CDON: variants seen among roughly 807,000 people sequenced by gnomAD.
CDON encodes cell adhesion molecule-related/down-regulated by oncogenes.
A neutral mutation model predicts 120.9 loss-of-function variants in CDON; 73 were observed. The observed-to-expected ratio is 0.60, with a 90% CI of 0.50 to 0.73. The LOEUF (loss-of-function observed/expected upper bound fraction) is 0.73. Ranked by LOEUF, CDON falls within the 30% of genes least tolerant of loss-of-function variation. CDON has a pLI of 0.00. For synonymous variants in CDON, 566 were observed against 573.5 expected (o/e 0.99, Z 0.19); for missense variants, 1,470 against 1,587.3 (o/e 0.93, Z 1.26).
At chr11:125,971,124 C>T (rs1945970894) in intron 18 of CDON, among the ~76,000 whole-genome samples, 2 of 152,168 alleles carry the variant, frequency 1.3e-5, no homozygotes, top group Admixed American at 1.3e-4. Flanking sequence ...TGGCTCACGC[C>T]TGTAATCCCA....
chr11:126,026,400 T>A (rs7935479), intron 1 of CDON, among the ~76,000 whole-genome samples: 104,406 of 152,182 alleles, frequency 0.69, 37,538 homozygotes, highest in African/African-American at 0.91. Context: ...ATCTAATGAC[T>A]GTGCTACATT....
intron 1 of CDON, among the ~76,000 whole-genome samples, chr11:126,031,791 A>T (rs188715102): frequency 2.6e-5 from 4 of 152,270 alleles, no homozygotes; most frequent in Admixed American, 2.6e-4. Flanking sequence ...CCTTAAGATG[A>T]CTTCCAGTGT....
intron 16 of CDON, 91 bp downstream of exon 16, chr11:125,983,781 A>G: frequency 1.1e-6 from 1 of 932,264 alleles, no homozygotes; most frequent in Non-Finnish European, 1.7e-6. Flanking sequence ...TGACACTAAT[A>G]TACAACAGTG....
At chr11:126,004,204 T>C (rs550773253) in intron 9 of CDON, 128 bp from the exon 10 acceptor site, 1 of 926,054 alleles carries the variant, frequency 1.1e-6, no homozygotes, top group South Asian at 1.4e-5. Flanking sequence ...TACAGCATGG[T>C]AAGTAAAAAA....
At chr11:126,015,163 A>C (rs774103673) in intron 7 of CDON, 78 bp downstream of exon 7, 51 of 1,394,480 alleles carry the variant, frequency 3.7e-5, no homozygotes, top group Non-Finnish European at 4.8e-5. Flanking sequence ...TTTAGTAAAA[A>C]TAATTTCATT....
chr11:125,973,360 G>A (rs965547142), intron 18 of CDON, among the ~76,000 whole-genome samples: 4 of 152,040 alleles, frequency 2.6e-5, no homozygotes, highest in African/African-American at 4.8e-5. Context: ...GTGAAACCCC[G>A]TCTCTACTAA....
chr11:125,997,966 T>C (rs1946836883), intron 11 of CDON, among the ~76,000 whole-genome samples: 1 of 152,044 alleles, frequency 6.6e-6, no homozygotes, highest in Non-Finnish European at 1.5e-5. Context: ...ATACTGTTAA[T>C]AAAGGGGAGA....
rs1946431118 is a variant in CDON at position 125,985,348 on chromosome 11, G to T, written c.2774-1255C>A. On this transcript the variant is annotated intron_variant, in intron 15 of 19. Coordinates refer to ENST00000531738, the MANE Select transcript of CDON (RefSeq NM_001378964.1). The stretch of plus-strand genomic sequence containing the variant: ...GCCCCCACGCACGGATAATTTTTTT[G>T]ATATTTTTAGTACAGACAGGGTCTC... 2.0e-5 allele frequency among the ~76,000 whole-genome samples: 3 copies of T among 152,124 alleles called. No homozygotes were observed. The South Asian group carries it at 6.2e-4, about 32-fold the overall frequency.
Position 125,962,004 on chromosome 11 carries a change from G to C in CDON, c.3357-6C>G, listed in dbSNP as rs1945659908. 1 of 1,611,428 alleles carries C rather than the reference G, an allele frequency of 6.2e-7. No individual in the cohort carries two copies. Among genetic ancestry groups the C allele is most frequent in the Non-Finnish European group, 8.5e-7 (1 of 1,177,552 alleles). ...TGTTGGTTTTGGTGAAACACCTGCA[G>C]AGGTTAAACCAAAAGAAACAGAATT... is the stretch of plus-strand genomic sequence containing the variant. On this transcript the variant is annotated splice_polypyrimidine_tract_variant and splice_region_variant and intron_variant, in intron 18 of 19. Coordinates refer to ENST00000531738, the MANE Select transcript of CDON (RefSeq NM_001378964.1).
intron 16 of CDON, 90 bp from the exon 17 acceptor site, chr11:125,981,419 TACGCACACACGCACACACGCACAC>T: frequency 3.8e-6 from 5 of 1,324,776 alleles, no homozygotes; most frequent in Non-Finnish European, 5.3e-6. Context: ...CACATGCACA[TACGCACACACGCACACACGCACAC>T]AGTAAGACAC....
At chr11:125,970,466 C>T (rs538168404) in intron 18 of CDON, among the ~76,000 whole-genome samples, 4 of 152,026 alleles carry the variant, frequency 2.6e-5, no homozygotes, top group Admixed American at 2.6e-4. Flanking sequence ...AGCCACCGCA[C>T]CCGGCCAGTA....
intron 8 of CDON, among the ~76,000 whole-genome samples, chr11:126,009,854 A>T (rs989631003): frequency 2.6e-5 from 4 of 152,212 alleles, no homozygotes; most frequent in Non-Finnish European, 5.9e-5. Context: ...ATCACAAAAA[A>T]TCAGTAAAAT....
At chr11:126,015,155 T>A (rs376008809) in intron 7 of CDON, 86 bp downstream of exon 7, 1 of 1,316,584 alleles carries the variant, frequency 7.6e-7, no homozygotes, top group African/African-American at 1.4e-5. Flanking sequence ...TATTTTCTTT[T>A]AGTAAAAATA....
intron 8 of CDON, 57 bp downstream of exon 8, chr11:126,010,284 A>C: frequency 6.9e-6 from 8 of 1,162,296 alleles, no homozygotes; most frequent in Non-Finnish European, 8.7e-6. Context: ...AAATCACTTT[A>C]TCTTCTATTA....
chr11:126,050,911 TGCA>T lies in CDON; in HGVS notation c.-62+11665_-62+11667del, dbSNP rs1413597966. On this transcript the variant is annotated intron_variant, in intron 1 of 19. Transcript: ENST00000531738. ...TACTGTTAAATTGCCCAAGTACACATGCAGCATACATTCACTCTAGGTGAATCG... is the reference window on the plus strand; with the variant it reads ...TACTGTTAAATTGCCCAAGTACACATGCATACATTCACTCTAGGTGAATCG... 2.6e-5 allele frequency among the ~76,000 whole-genome samples: 4 copies of T among 152,192 alleles called. No homozygotes were observed. The East Asian group carries it at 7.7e-4, about 29-fold the overall frequency.
In CDON at chr11:126,029,066, G is replaced by A. The variant is rs144380865; in HGVS notation, c.-61-5529C>T. Among the ~76,000 whole-genome samples the A allele has an allele frequency of 1.2e-4, 19 of 152,216 alleles. No homozygotes were observed. In the East Asian group the frequency reaches 3.3e-3, roughly 26 times the overall value. On this transcript the variant is annotated intron_variant, in intron 1 of 19. Coordinates refer to ENST00000531738, the MANE Select transcript of CDON (RefSeq NM_001378964.1). ...TCCCTCACAACCAAAATTGGCACAT[G>A]AAGGTAACTCCCCATCACTGACATA...
intron 1 of CDON, among the ~76,000 whole-genome samples, chr11:126,052,607 G>C (rs1948590249): frequency 6.6e-6 from 1 of 152,186 alleles, no homozygotes; most frequent in African/African-American, 2.4e-5. Flanking sequence ...TGGATCACTT[G>C]AGGTCAAGAG....
chr11:126,039,267 T>G (rs1022788535), intron 1 of CDON, among the ~76,000 whole-genome samples: 1 of 152,208 alleles, frequency 6.6e-6, no homozygotes, highest in Non-Finnish European at 1.5e-5. Flanking sequence ...CAATGGAAAC[T>G]ATAGCAATGG....
chr11:126,003,918 G>A lies in CDON; in HGVS notation c.2010C>T (p.Thr670=). The change falls in exon 10 of 20, where the codon ACC becomes ACT. Residue 670 remains threonine, a synonymous_variant. Transcript: ENST00000531738. ...CTCACTCACCTTTGCTGGTTCGGAA[G>A]GTAAGCATGGCAGGTTGGCCTTCAC... is the stretch of plus-strand genomic sequence containing the variant. ...AAGEGQPAML[T]FRTSKEKTAS... is the part of the protein sequence containing the mutation. The A allele has an allele frequency of 6.2e-7, 1 of 1,614,130 alleles. No homozygotes were observed. Among genetic ancestry groups the A allele is most frequent in the Non-Finnish European group, 8.5e-7 (1 of 1,180,016 alleles).
Sources: allele counts gnomAD v4.1 joint callset (sites outside exome capture counted in the v4.1 genomes callset), GRCh38; gene constraint gnomAD v4.1.1; transcripts MANE v1.5; gene names NCBI Gene and HGNC (gene_info 2026-07-23, HGNC 2026-07-21).